Variants in OR5D18 observed in about 807,000 individuals in gnomAD.
OR5D18 encodes olfactory receptor family 5 subfamily D member 18.
For missense variants in OR5D18, 394 were observed against 367.3 expected, an observed-to-expected ratio of 1.07 and a Z score of -0.59; for synonymous variants, 158 against 152.5, an observed-to-expected ratio of 1.04 and a Z score of -0.27.
At position 55,820,248 on chromosome 11, in the gene OR5D18, A is replaced by G. The variant is rs1274384589; in HGVS notation, c.619A>G (p.Asn207Asp). Residue 207 changes from asparagine to aspartate, a missense_variant, in exon 1 of 1, where the codon AAT (asparagine) becomes GAT (aspartate). Coordinates refer to ENST00000333976, the MANE Select transcript of OR5D18 (RefSeq NM_001001952.1). ...QWLLFFLATFNEISTLLIVLT... is the reference protein window; with the variant it reads ...QWLLFFLATFDEISTLLIVLT... ...GCTGCTATTCTTTCTTGCCACCTTT[A>G]ATGAAATCAGCACACTACTCATCGT... 1 of 1,613,968 alleles carries G rather than the reference A, an allele frequency of 6.2e-7. No homozygotes were observed. The highest frequency in any genetic ancestry group is 1.3e-5 in the African/African-American group (1 of 74,890).
At position 55,819,672 on chromosome 11, in the gene OR5D18, C is replaced by T; in HGVS notation, c.43C>T (p.Leu15Phe). 6.2e-7 allele frequency: 1 copy of T among 1,612,712 alleles called. No homozygotes were observed. The highest frequency in any genetic ancestry group is 8.5e-7 in the Non-Finnish European group (1 of 1,179,310). ...DRNTSGTTFT[L>F]LGFSDYPELQ... ...AAATACAAGTGGGACCACGTTCACC[C>T]TCTTGGGCTTCTCAGATTACCCAGA... Residue 15 changes from leucine to phenylalanine, a missense_variant, in exon 1 of 1, where the codon CTC becomes TTC. Coordinates refer to ENST00000333976, the MANE Select transcript of OR5D18 (RefSeq NM_001001952.1).
chr11:55,820,322 A>G lies in OR5D18; in HGVS notation c.693A>G (p.Ser231=). 2 of 1,613,960 alleles carry G rather than the reference A, an allele frequency of 1.2e-6. No individual in the cohort carries two copies. Among genetic ancestry groups the G allele is most frequent in the Non-Finnish European group, 1.7e-6 (2 of 1,180,024 alleles). Residue 231 remains serine (S), a synonymous_variant, in exon 1 of 1, where the codon TCA becomes TCG. Coordinates refer to ENST00000333976, the MANE Select transcript of OR5D18 (RefSeq NM_001001952.1). ...TTGTAACCATCCTCAAGATGCGTTC[A>G]GTCAGTGGGCGCCGCAAAGCCTTCT... ...FIVVTILKMR[S]VSGRRKAFST... is the part of the protein sequence containing the mutation.
chr11:55,819,780 A>G lies in OR5D18; in HGVS notation c.151A>G (p.Lys51Glu), dbSNP rs546087145. Residue 51 changes from lysine (K) to glutamate (E), a missense_variant, in exon 1 of 1, where the codon AAA becomes GAA. Transcript: ENST00000333976. Reference sequence around the variant, plus strand: ...GAATATTGGGTTGATTGTGATCATCAAAATCAACCCCAAACTGCATACCCC... The same window carrying G: ...GAATATTGGGTTGATTGTGATCATCGAAATCAACCCCAAACTGCATACCCC... ...LGNIGLIVII[K>E]INPKLHTPMY... 7.4e-6 allele frequency: 12 copies of G among 1,613,720 alleles called. No individual in the cohort carries two copies. The highest frequency in any genetic ancestry group is 8.5e-6 in the Non-Finnish European group (10 of 1,179,962).
rs537777170 is a variant in OR5D18, at chr11:55,820,400, C to G, written c.771C>G (p.Leu257=). The G allele has an allele frequency of 7.4e-6, 12 of 1,613,910 alleles. No individual in the cohort carries two copies. Among genetic ancestry groups the G allele is most frequent in the Non-Finnish European group, 1.0e-5 (12 of 1,180,042 alleles). ...TAITIFHGTI[L]FLYCVPNSKN... The stretch of plus-strand genomic sequence containing the variant: ...TCACCATCTTCCATGGCACCATCCT[C>G]TTCCTTTACTGTGTGCCCAACTCCA... The change falls in exon 1 of 1, where the codon CTC becomes CTG. Residue 257 remains leucine, a synonymous_variant. Coordinates refer to ENST00000333976, the MANE Select transcript of OR5D18 (RefSeq NM_001001952.1).
In OR5D18 at chr11:55,819,926, A is replaced by G; in HGVS notation, c.297A>G (p.Val99=). Residue 99 remains valine, a synonymous_variant, in exon 1 of 1, where the codon GTA becomes GTG. Transcript: ENST00000333976. ...KDRTISFLGC[V]VQFFFFCTFV... ...GAACCATTTCATTTTTAGGATGCGT[A>G]GTACAATTCTTTTTCTTCTGTACCT... 1 of 1,614,024 alleles carries G rather than the reference A, an allele frequency of 6.2e-7. No homozygotes were observed. The highest frequency in any genetic ancestry group is 1.1e-5 in the South Asian group (1 of 91,086).
At position 55,820,281 on chromosome 11, in the gene OR5D18, T is replaced by A. The variant is rs745652788; in HGVS notation, c.652T>A (p.Ser218Thr). The A allele has an allele frequency of 4.3e-6, 7 of 1,613,952 alleles. No individual in the cohort carries two copies. The East Asian group carries it at 1.6e-4, about 36-fold the overall frequency. Reference sequence around the variant, plus strand: ...CAGCACACTACTCATCGTTCTCACATCTTATGCGTTCATTGTTGTAACCAT... The same window carrying A: ...CAGCACACTACTCATCGTTCTCACAACTTATGCGTTCATTGTTGTAACCAT... ...EISTLLIVLT[S>T]YAFIVVTILK... The change falls in exon 1 of 1, where the codon TCT becomes ACT. Residue 218 changes from serine to threonine, a missense_variant. By Grantham distance (58) the Ser-to-Thr change is moderately conservative (BLOSUM62 1). Coordinates refer to ENST00000333976, the MANE Select transcript of OR5D18 (RefSeq NM_001001952.1).
chr11:55,820,460 GT>G lies in OR5D18; in HGVS notation c.835del (p.Tyr279ThrfsTer4). The part of the protein sequence containing the change: ...SRHTVKVASV[F>X]YTVVIPMLNP... ...GGCACACAGTCAAAGTGGCCTCTGT[GT>G]TTTACACCGTGGTGATCCCCATGTT... On this transcript the variant is annotated frameshift_variant, in exon 1 of 1. Transcript: ENST00000333976. LOFTEE classifies it low-confidence loss of function (END_TRUNC). 6.2e-7 allele frequency: 1 copy of G among 1,613,732 alleles called. No individual in the cohort carries two copies.
chr11:55,819,841 A>T lies in OR5D18; in HGVS notation c.212A>T (p.Asp71Val). The T allele has an allele frequency of 6.2e-7, 1 of 1,613,930 alleles. No individual in the cohort carries two copies. The highest frequency in any genetic ancestry group is 2.2e-5 in the East Asian group (1 of 44,878). Residue 71 changes from aspartate (D) to valine (V), a missense_variant, in exon 1 of 1, where the codon GAT (aspartate) becomes GTT (valine). Physicochemically the swap from Asp to Val is radical, Grantham distance 152. Coordinates refer to ENST00000333976, the MANE Select transcript of OR5D18 (RefSeq NM_001001952.1). ...YFFLSQLSFV[D>V]FCYSSIIAPK... is the part of the protein sequence containing the mutation. ...TTCCTCAGCCAACTCTCCTTTGTGG[A>T]TTTCTGCTATTCCTCCATCATTGCT...
chr11:55,820,538 C>T lies in OR5D18; in HGVS notation c.909C>T (p.Thr303=), dbSNP rs375980221. 117 of 1,610,326 alleles carry T rather than the reference C, an allele frequency of 7.3e-5. 1 individual carries two copies. The highest frequency in any genetic ancestry group is 8.7e-5 in the Non-Finnish European group (103 of 1,179,638). Residue 303 remains threonine, a synonymous_variant, in exon 1 of 1, where the codon ACC becomes ACT. Transcript: ENST00000333976. The part of the protein sequence containing the change: ...LRNKDVKDTV[T]EILDTKVFSY ...ATAAAGATGTCAAGGATACAGTCAC[C>T]GAGATACTGGACACCAAAGTCTTCT...
chr11:55,820,110 A>T lies in OR5D18; in HGVS notation c.481A>T (p.Thr161Ser). 3 of 1,613,874 alleles carry T rather than the reference A, an allele frequency of 1.9e-6. No individual in the cohort carries two copies. Among genetic ancestry groups the T allele is most frequent in the Non-Finnish European group, 2.5e-6 (3 of 1,180,012 alleles). Residue 161 changes from threonine to serine, a missense_variant, in exon 1 of 1, where the codon ACG (threonine) becomes TCG (serine). Transcript: ENST00000333976. ...GGGAGTCTCATGTTCCTTGGAACTG[A>T]CGTGCTCTGCTTTAAAGTTATGTTT... The part of the protein sequence containing the change: ...AWGVSCSLEL[T>S]CSALKLCFHG...
At position 55,820,198 on chromosome 11, in the gene OR5D18, G is replaced by T. The variant is rs1853815735; in HGVS notation, c.569G>T (p.Cys190Phe). The T allele has an allele frequency of 6.2e-7, 1 of 1,613,656 alleles. No homozygotes were observed. ...TTCTCCTCACTACTCTCCCTTTCTTGCTCTGATACTTACATCAACCAGTGG... is the reference window on the plus strand; with the variant it reads ...TTCTCCTCACTACTCTCCCTTTCTTTCTCTGATACTTACATCAACCAGTGG... ...CEFSSLLSLS[C>F]SDTYINQWLL... Residue 190 changes from cysteine (C) to phenylalanine (F), a missense_variant, in exon 1 of 1, where the codon TGC becomes TTC. Physicochemically the swap from Cys to Phe is radical, Grantham distance 205 (BLOSUM62 -2). Transcript: ENST00000333976.
At position 55,820,491 on chromosome 11, in the gene OR5D18, C is replaced by A; in HGVS notation, c.862C>A (p.Pro288Thr). The change falls in exon 1 of 1, where the codon CCC becomes ACC. Residue 288 changes from proline to threonine, a missense_variant. By Grantham distance (38) the Pro-to-Thr change is conservative (BLOSUM62 -1). Transcript: ENST00000333976. ...FYTVVIPMLN[P>T]LIYSLRNKDV... ...CACCGTGGTGATCCCCATGTTGAAT[C>A]CCCTGATCTACAGTCTGAGAAATAA... 6.2e-7 allele frequency: 1 copy of A among 1,613,772 alleles called. No individual in the cohort carries two copies. The highest frequency in any genetic ancestry group is 8.5e-7 in the Non-Finnish European group (1 of 1,179,996).
Position 55,820,345 on chromosome 11 carries a change from T to A in OR5D18, c.716T>A (p.Phe239Tyr). 6.2e-7 allele frequency: 1 copy of A among 1,613,804 alleles called. No homozygotes were observed. Among genetic ancestry groups the A allele is most frequent in the South Asian group, 1.1e-5 (1 of 91,050 alleles). Residue 239 changes from phenylalanine (F) to tyrosine (Y), a missense_variant, in exon 1 of 1, where the codon TTC becomes TAC. Transcript: ENST00000333976. ...MRSVSGRRKA[F>Y]STCASHLTAI... is the part of the protein sequence containing the mutation. ...TCAGTCAGTGGGCGCCGCAAAGCCTTCTCCACCTGTGCCTCCCACCTGACT... is the reference window on the plus strand; with the variant it reads ...TCAGTCAGTGGGCGCCGCAAAGCCTACTCCACCTGTGCCTCCCACCTGACT...
Position 55,820,200 on chromosome 11 carries a change from T to G in OR5D18, c.571T>G (p.Ser191Ala). ...CTCCTCACTACTCTCCCTTTCTTGCTCTGATACTTACATCAACCAGTGGCT... is the reference window on the plus strand; with the variant it reads ...CTCCTCACTACTCTCCCTTTCTTGCGCTGATACTTACATCAACCAGTGGCT... Reference protein sequence around the residue: ...EFSSLLSLSCSDTYINQWLLF... With the variant: ...EFSSLLSLSCADTYINQWLLF... Residue 191 changes from serine (S) to alanine (A), a missense_variant, in exon 1 of 1, where the codon TCT becomes GCT. Physicochemically the swap from Ser to Ala is moderately conservative, Grantham distance 99 (BLOSUM62 1). Transcript: ENST00000333976. 5 of 1,614,032 alleles carry G rather than the reference T, an allele frequency of 3.1e-6. No homozygotes were observed. Among genetic ancestry groups the G allele is most frequent in the Non-Finnish European group, 4.2e-6 (5 of 1,179,994 alleles).
Position 55,820,553 on chromosome 11 carries a change from C to A in OR5D18, c.924C>A (p.Thr308=), listed in dbSNP as rs538736085. Residue 308 remains threonine (T), a synonymous_variant, in exon 1 of 1, where the codon ACC becomes ACA. Transcript: ENST00000333976. ...VKDTVTEILD[T]KVFSY ...ATACAGTCACCGAGATACTGGACACCAAAGTCTTCTCTTACTGAGCCTGTT... is the reference window on the plus strand; with the variant it reads ...ATACAGTCACCGAGATACTGGACACAAAAGTCTTCTCTTACTGAGCCTGTT... 1.2e-5 allele frequency: 20 copies of A among 1,606,736 alleles called. No homozygotes were observed. The South Asian group carries it at 2.1e-4, about 17-fold the overall frequency.
Position 55,820,377 on chromosome 11 carries a change from A to G in OR5D18, c.748A>G (p.Thr250Ala). The change falls in exon 1 of 1, where the codon ACC becomes GCC. Residue 250 changes from threonine to alanine, a missense_variant. Coordinates refer to ENST00000333976, the MANE Select transcript of OR5D18 (RefSeq NM_001001952.1). Reference sequence around the variant, plus strand: ...CTGTGCCTCCCACCTGACTGCCATCACCATCTTCCATGGCACCATCCTCTT... The same window carrying G: ...CTGTGCCTCCCACCTGACTGCCATCGCCATCTTCCATGGCACCATCCTCTT... ...STCASHLTAI[T>A]IFHGTILFLY... 1 of 1,613,992 alleles carries G rather than the reference A, an allele frequency of 6.2e-7. No homozygotes were observed.
At position 55,819,900 on chromosome 11, in the gene OR5D18, A is replaced by G; in HGVS notation, c.271A>G (p.Arg91Gly). 6.2e-7 allele frequency: 1 copy of G among 1,614,108 alleles called. No homozygotes were observed. Among genetic ancestry groups the G allele is most frequent in the Non-Finnish European group, 8.5e-7 (1 of 1,180,032 alleles). ...KMLVNLVVKD[R>G]TISFLGCVVQ... The stretch of plus-strand genomic sequence containing the variant: ...GTTGGTGAACCTTGTTGTCAAAGAC[A>G]GAACCATTTCATTTTTAGGATGCGT... The change falls in exon 1 of 1, where the codon AGA (arginine) becomes GGA (glycine). Residue 91 changes from arginine (R) to glycine (G), a missense_variant. By Grantham distance (125) the Arg-to-Gly change is moderately radical. Transcript: ENST00000333976.
chr11:55,820,204 ATACT>A lies in OR5D18; in HGVS notation c.579_582del (p.Tyr194SerfsTer30), dbSNP rs752636047. 12 of 1,613,888 alleles carry A rather than the reference ATACT, an allele frequency of 7.4e-6. No homozygotes were observed. In the South Asian group the frequency reaches 1.2e-4, roughly 16 times the overall value. On this transcript the variant is annotated frameshift_variant, in exon 1 of 1. Coordinates refer to ENST00000333976, the MANE Select transcript of OR5D18 (RefSeq NM_001001952.1). LOFTEE classifies it low-confidence loss of function (END_TRUNC). ...TCACTACTCTCCCTTTCTTGCTCTGATACTTACATCAACCAGTGGCTGCTATTCT... is the reference window on the plus strand; with the variant it reads ...TCACTACTCTCCCTTTCTTGCTCTGATACATCAACCAGTGGCTGCTATTCT...
In OR5D18 at chr11:55,820,389, G is replaced by A; in HGVS notation, c.760G>A (p.Gly254Ser). The A allele has an allele frequency of 2.5e-6, 4 of 1,613,812 alleles. No homozygotes were observed. The highest frequency in any genetic ancestry group is 3.4e-6 in the Non-Finnish European group (4 of 1,180,000). Residue 254 changes from glycine to serine, a missense_variant, in exon 1 of 1, where the codon GGC becomes AGC. By Grantham distance (56) the Gly-to-Ser change is moderately conservative (BLOSUM62 0). Transcript: ENST00000333976. The stretch of plus-strand genomic sequence containing the variant: ...CCTGACTGCCATCACCATCTTCCAT[G>A]GCACCATCCTCTTCCTTTACTGTGT... The part of the protein sequence containing the change: ...SHLTAITIFH[G>S]TILFLYCVPN...
Sources: allele counts gnomAD v4.1 joint callset, GRCh38; gene constraint gnomAD v4.1.1; transcripts MANE v1.5; gene names NCBI Gene and HGNC (gene_info 2026-07-23, HGNC 2026-07-21).